PPP2R5E: variants seen among roughly 807,000 people sequenced by gnomAD.
PPP2R5E encodes the protein serine/threonine-protein phosphatase 2A 56 kDa regulatory subunit epsilon isoform.
In PPP2R5E, 4 loss-of-function variants were observed where a neutral mutation model predicts 65.3. That is an observed-to-expected ratio of 0.06 (90% CI 0.03 to 0.14). The LOEUF (loss-of-function observed/expected upper bound fraction) is 0.14. Among genes scored for constraint, PPP2R5E ranks in the 10% least tolerant of loss-of-function variants. The pLI is 1.00. For synonymous variants in PPP2R5E, 183 were observed against 187.4 expected, an observed-to-expected ratio of 0.98 and a Z score of 0.19; for missense variants, 274 against 556.1, an observed-to-expected ratio of 0.49 and a Z score of 5.10.
intron 2 of PPP2R5E, among the ~76,000 whole-genome samples, chr14:63,469,656 T>C (rs529345535): frequency 1.3e-5 from 2 of 152,308 alleles, no homozygotes; most frequent in Middle Eastern, 6.8e-3. Flanking sequence ...ATCGTGCCAC[T>C]GCACTCCAGC....
chr14:63,399,787 T>TCTC (rs778193020), intron 5 of PPP2R5E, among the ~76,000 whole-genome samples: 1 of 152,180 alleles, frequency 6.6e-6, no homozygotes, highest in Non-Finnish European at 1.5e-5. Context: ...TCAGTTCTAG[T>TCTC]GTCTTTACAG....
intron 2 of PPP2R5E, among the ~76,000 whole-genome samples, chr14:63,518,117 C>A (rs112544003): frequency 3.5e-4 from 54 of 152,276 alleles, no homozygotes; most frequent in African/African-American, 1.3e-3. Context: ...ACTCTGTCAC[C>A]CAGGCTGTGT....
intron 2 of PPP2R5E, among the ~76,000 whole-genome samples, chr14:63,462,993 CCG>C (rs1889569083): frequency 1.3e-5 from 2 of 149,004 alleles, no homozygotes; most frequent in Non-Finnish European, 3.0e-5. Flanking sequence ...TCCCAGCTAC[CCG>C]GGAGGCTGAG....
At chr14:63,498,176 A>G (rs1891675712) in intron 2 of PPP2R5E, among the ~76,000 whole-genome samples, 1 of 152,224 alleles carries the variant, frequency 6.6e-6, no homozygotes, top group South Asian at 2.1e-4. Context: ...GATTTTTAAA[A>G]TGTTTGTTTT....
chr14:63,482,368 A>G lies in PPP2R5E; in HGVS notation c.158-28483T>C, dbSNP rs531033489. ...CAGCTACTCAGGAGGCTGAGGCACA[A>G]GAATTGCTTGAACCCAGGAGGCAGA... is the stretch of plus-strand genomic sequence containing the variant. On this transcript the variant is annotated intron_variant, in intron 2 of 13. Transcript: ENST00000337537. Among the ~76,000 whole-genome samples, 3 of 152,298 alleles carry G rather than the reference A, an allele frequency of 2.0e-5. No homozygotes were observed. In the South Asian group the frequency reaches 6.2e-4, roughly 32 times the overall value.
At chr14:63,452,091 AC>A (rs1195764755) in intron 3 of PPP2R5E, 1 of 152,180 alleles carries the variant, frequency 6.6e-6, no homozygotes, top group Admixed American at 6.5e-5. Context: ...TACAGAAAAT[AC>A]ATAGTGTGCC....
chr14:63,489,310 C>T (rs1370025686), intron 2 of PPP2R5E, among the ~76,000 whole-genome samples: 3 of 152,078 alleles, frequency 2.0e-5, no homozygotes, highest in Admixed American at 6.5e-5. Context: ...TACCCTCACT[C>T]AACACAAACT....
intron 5 of PPP2R5E, among the ~76,000 whole-genome samples, chr14:63,399,942 C>T (rs904332289): frequency 1.3e-5 from 2 of 152,042 alleles, no homozygotes; most frequent in South Asian, 2.1e-4. Context: ...GGTCAATAAT[C>T]GAATGTGCTT....
At position 63,438,529 on chromosome 14, in the gene PPP2R5E, A is replaced by G. The variant is rs562762211; in HGVS notation, c.354+15160T>C. Reference sequence around the variant, plus strand: ...AAACTTGAATGCAGTACTGTAACTTATCCTGCAAAATTCTGCTGCCAGCCA... The same window carrying G: ...AAACTTGAATGCAGTACTGTAACTTGTCCTGCAAAATTCTGCTGCCAGCCA... On this transcript the variant is annotated intron_variant, in intron 3 of 13. Transcript: ENST00000337537. Among the ~76,000 whole-genome samples, 75 of 152,326 alleles carry G rather than the reference A, an allele frequency of 4.9e-4. 2 individuals carry two copies. Among genetic ancestry groups the G allele is most frequent in the Non-Finnish European group, 7.4e-5 (5 of 68,020 alleles).
At chr14:63,475,372 ATTAGAAGGGGG>A (rs1232643890) in intron 2 of PPP2R5E, among the ~76,000 whole-genome samples, 2 of 152,224 alleles carry the variant, frequency 1.3e-5, no homozygotes, top group African/African-American at 4.8e-5. Context: ...CATGACATCC[ATTAGAAGGGGG>A]TGTCTGGATA....
At chr14:63,467,992 C>G (rs1889923623) in intron 2 of PPP2R5E, among the ~76,000 whole-genome samples, 1 of 152,190 alleles carries the variant, frequency 6.6e-6, no homozygotes, top group Non-Finnish European at 1.5e-5. Context: ...AATAACAGCA[C>G]CTACCCCACA....
At chr14:63,480,187 G>A (rs930382861) in intron 2 of PPP2R5E, among the ~76,000 whole-genome samples, 1 of 152,000 alleles carries the variant, frequency 6.6e-6, no homozygotes, top group African/African-American at 2.4e-5. Context: ...GCCAGGTGTG[G>A]TGGCTCATGC....
rs1274705609 is a variant in PPP2R5E at position 63,454,251 on chromosome 14, G to A, written c.158-366C>T. On this transcript the variant is annotated intron_variant, in intron 2 of 13. Transcript: ENST00000337537. ...AACTTTCCCTTATAAGAAAGCTTTC[G>A]CTGTGGTTTAAATTAGTTTTACTAA... Among the ~76,000 whole-genome samples, 5 of 152,256 alleles carry A rather than the reference G, an allele frequency of 3.3e-5. No individual in the cohort carries two copies. In the South Asian group the frequency reaches 6.2e-4, roughly 19 times the overall value.
chr14:63,471,675 G>T lies in PPP2R5E; in HGVS notation c.158-17790C>A, dbSNP rs116366996. ...ATAAAAATTGGCCCAAAGATATTTAGCAACTTGCCCACCATCACACAGCTG... is the reference window on the plus strand; with the variant it reads ...ATAAAAATTGGCCCAAAGATATTTATCAACTTGCCCACCATCACACAGCTG... On this transcript the variant is annotated intron_variant, in intron 2 of 13. Coordinates refer to ENST00000337537, the MANE Select transcript of PPP2R5E (RefSeq NM_006246.5). 3.6e-3 allele frequency among the ~76,000 whole-genome samples: 547 copies of T among 152,176 alleles called. 3 individuals carry two copies. The highest frequency in any genetic ancestry group is 0.011 in the African/African-American group (472 of 41,516).
chr14:63,532,712 C>T (rs113115383), intron 2 of PPP2R5E, among the ~76,000 whole-genome samples: 266 of 152,308 alleles, frequency 1.7e-3, no homozygotes, highest in African/African-American at 5.9e-3. Context: ...CAGCAGTTAA[C>T]GCATTTGTCC....
chr14:63,442,984 CACT>C (rs1266491897), intron 3 of PPP2R5E, among the ~76,000 whole-genome samples: 1 of 152,096 alleles, frequency 6.6e-6, no homozygotes, highest in Non-Finnish European at 1.5e-5. Context: ...GTTAACCAAG[CACT>C]ACTAAGAGTA....
chr14:63,387,100 A>G (rs1174648653), intron 11 of PPP2R5E, among the ~76,000 whole-genome samples: 5 of 152,172 alleles, frequency 3.3e-5, no homozygotes, highest in Non-Finnish European at 7.3e-5. Context: ...TGACACAGAT[A>G]AAGCAGGAGG....
At chr14:63,498,641 G>A (rs956453417) in intron 2 of PPP2R5E, among the ~76,000 whole-genome samples, 6 of 151,772 alleles carry the variant, frequency 4.0e-5, no homozygotes, top group Non-Finnish European at 8.8e-5. Flanking sequence ...TACTGCAGCC[G>A]CGACTTCCCC....
chr14:63,446,717 T>C lies in PPP2R5E; in HGVS notation c.354+6972A>G, dbSNP rs532310189. 1.3e-4 allele frequency among the ~76,000 whole-genome samples: 19 copies of C among 150,878 alleles called. No individual in the cohort carries two copies. The South Asian group carries it at 2.3e-3, about 18-fold the overall frequency. The stretch of plus-strand genomic sequence containing the variant: ...AGTGGCAGGCGCCTGTAGTCTCAGC[T>C]ACTCGGGAGGCTGAGGCAGAAGAAT... On this transcript the variant is annotated intron_variant, in intron 3 of 13. Coordinates refer to ENST00000337537, the MANE Select transcript of PPP2R5E (RefSeq NM_006246.5).
Sources: allele counts gnomAD v4.1 joint callset (sites outside exome capture counted in the v4.1 genomes callset), GRCh38; gene constraint gnomAD v4.1.1; transcripts MANE v1.5; gene names NCBI Gene and HGNC (gene_info 2026-07-23, HGNC 2026-07-21).